The following NEK8 variants were observed in gnomAD, a reference collection of about 807,000 sequenced individuals.
The protein encoded by NEK8 is serine/threonine-protein kinase Nek8.
A neutral mutation model predicts 77.2 loss-of-function variants in NEK8; 51 were observed. The ratio of observed to expected loss-of-function variants is 0.66; its 90% CI spans 0.53 to 0.83. The LOEUF (loss-of-function observed/expected upper bound fraction) is 0.83. NEK8 is among the 40% of genes least tolerant of loss of function. The pLI, the probability that NEK8 is intolerant of heterozygous loss-of-function variation, is 0.00. For missense variants in NEK8, 787 were observed against 909.2 expected (o/e 0.87, Z 1.73); for synonymous variants, 365 against 363.2 (o/e 1.00, Z -0.06).
intron 1 of NEK8, 100 bp downstream of exon 1, chr17:28,728,960 G>T (rs2034278271): frequency 8.8e-7 from 1 of 1,134,376 alleles, no homozygotes; most frequent in Non-Finnish European, 1.3e-6. Context: ...GCCCCAAGGC[G>T]TGAGCGCCAC....
Position 28,735,302 on chromosome 17 carries a change from G to T in NEK8, c.549G>T (p.Lys183Asn), listed in dbSNP as rs1430304072. 5 of 1,614,016 alleles carry T rather than the reference G, an allele frequency of 3.1e-6. No individual in the cohort carries two copies. Among genetic ancestry groups the T allele is most frequent in the Admixed American group, 1.7e-5 (1 of 60,000 alleles). ...GTGAGGGCAAGCCCTACAACCAGAA[G>T]AGTGACATCTGGGCCCTGGGCTGTG... ...ELCEGKPYNQ[K>N]SDIWALGCVL... The change falls in exon 4 of 15, where the codon AAG becomes AAT. Residue 183 changes from lysine to asparagine, a missense_variant. Lys to Asn is a moderately conservative substitution (Grantham distance 94, BLOSUM62 0). Transcript: ENST00000268766.
rs1333030658 is a variant in NEK8, at chr17:28,740,934, G to A, written c.1681G>A (p.Glu561Lys). 1 of 1,614,162 alleles carries A rather than the reference G, an allele frequency of 6.2e-7. No homozygotes were observed. Among genetic ancestry groups the A allele is most frequent in the South Asian group, 1.1e-5 (1 of 91,090 alleles). ...TLLGSAPLDQEPLLSIDLGTA... is the reference protein window; with the variant it reads ...TLLGSAPLDQKPLLSIDLGTA... ...ACTAGGCTCTGCACCCCTGGACCAG[G>A]AGCCTCTGCTGAGTATAGACCTGGG... Residue 561 changes from glutamate (E) to lysine (K), a missense_variant, in exon 12 of 15, where the codon GAG (glutamate) becomes AAG (lysine). By Grantham distance (56) the Glu-to-Lys change is moderately conservative. This residue lies in a region of NEK8 where 516 missense variants were observed against 544.0 expected (regional missense o/e 0.95). Coordinates refer to ENST00000268766, the MANE Select transcript of NEK8 (RefSeq NM_178170.3). The surrounding 1 kb of genome is among the most constrained non-coding windows in gnomAD (Gnocchi z 4.7).
rs1049666135 is a variant in NEK8, at chr17:28,743,162, G to A, written c.*1175G>A. Reference sequence around the variant, plus strand: ...TTTGGAGCAGGGCAAGCCAGGGCCTGCCTGGACTGGCCATTAGGCCTGCCT... The same window carrying A: ...TTTGGAGCAGGGCAAGCCAGGGCCTACCTGGACTGGCCATTAGGCCTGCCT... On this transcript the variant is annotated 3_prime_UTR_variant, in exon 15 of 15. Transcript: ENST00000268766. The A allele has an allele frequency of 6.6e-6, 1 of 151,154 alleles. No individual in the cohort carries two copies. The highest frequency in any genetic ancestry group is 1.5e-5 in the Non-Finnish European group (1 of 67,972). 9.4% of individuals were successfully genotyped at this position (151,154 alleles called of 1,614,324 possible). A position where few individuals can be genotyped will look rare whatever the true frequency, so the allele number is the denominator to read the frequency against.
At position 28,737,659 on chromosome 17, in the gene NEK8, C is replaced by A. The variant is rs750504249; in HGVS notation, c.828-16C>A. 38 of 1,614,046 alleles carry A rather than the reference C, an allele frequency of 2.4e-5. No homozygotes were observed. Among genetic ancestry groups the A allele is most frequent in the Middle Eastern group, 3.3e-4 (2 of 6,084 alleles). On this transcript the variant is annotated splice_polypyrimidine_tract_variant and intron_variant, in intron 5 of 14. Transcript: ENST00000268766. The surrounding 1 kb of genome is among the most constrained non-coding windows in gnomAD (Gnocchi z 4.8). ...TCAGGAGGGTCTTTGTCCTTAGGCCCCCATCTGTCCTGCAGGGCAGAGAAG... is the reference window on the plus strand; with the variant it reads ...TCAGGAGGGTCTTTGTCCTTAGGCCACCATCTGTCCTGCAGGGCAGAGAAG...
Position 28,737,733 on chromosome 17 carries a change from A to C in NEK8, c.886A>C (p.Arg296=). 1 of 1,614,150 alleles carries C rather than the reference A, an allele frequency of 6.2e-7. No homozygotes were observed. Among genetic ancestry groups the C allele is most frequent in the Non-Finnish European group, 8.5e-7 (1 of 1,180,022 alleles). The part of the protein sequence containing the change: ...TGSRTTSVRC[R]GIPRGPVRPA... The stretch of plus-strand genomic sequence containing the variant: ...GAGCAGGACCACCAGTGTCCGCTGC[A>C]GAGGTAAGTGGGAAGAGGCCGCCAG... The change falls in exon 6 of 15, where the codon AGA becomes CGA. Residue 296 remains arginine (R), a synonymous_variant. Transcript: ENST00000268766. This position sits in a 1 kb window ranked among gnomAD's most constrained non-coding sequence, Gnocchi z 4.8.
At position 28,737,757 on chromosome 17, in the gene NEK8, A is replaced by G; in HGVS notation, c.889+21A>G. On this transcript the variant is annotated intron_variant, in intron 6 of 14. Transcript: ENST00000268766. The surrounding 1 kb of genome is among the most constrained non-coding windows in gnomAD (Gnocchi z 4.8). ...CAGAGGTAAGTGGGAAGAGGCCGCC[A>G]GTCCCCATGGATGCCACACCATTCC... 6.2e-7 allele frequency: 1 copy of G among 1,614,156 alleles called. No homozygotes were observed. The highest frequency in any genetic ancestry group is 8.5e-7 in the Non-Finnish European group (1 of 1,180,004).
At chr17:28,730,734 A>G (rs1010128793) in intron 1 of NEK8, among the ~76,000 whole-genome samples, 1 of 151,716 alleles carries the variant, frequency 6.6e-6, no homozygotes, top group Non-Finnish European at 1.5e-5. Context: ...TGGGCAACAC[A>G]ATGAGTCCCC....
chr17:28,742,193 C>T lies in NEK8; in HGVS notation c.*206C>T. ...TTCTCCTACCACCTCTTTGCCCTTC[C>T]TACCCCTTCCTCCCTTCAGTCAGTG... On this transcript the variant is annotated 3_prime_UTR_variant, in exon 15 of 15. Coordinates refer to ENST00000268766, the MANE Select transcript of NEK8 (RefSeq NM_178170.3). The T allele has an allele frequency of 4.5e-6, 3 of 663,324 alleles. No individual in the cohort carries two copies. The highest frequency in any genetic ancestry group is 3.3e-5 in the South Asian group (2 of 60,122). The allele number at this position is 663,324 out of a possible 1,614,324, so 41.1% of individuals were successfully genotyped here.
At chr17:28,735,810 C>T (rs1013300883) in intron 4 of NEK8, among the ~76,000 whole-genome samples, 2 of 151,930 alleles carry the variant, frequency 1.3e-5, no homozygotes, top group African/African-American at 2.4e-5. Flanking sequence ...AGTTTTAGGG[C>T]ACATGTACAC....
chr17:28,741,458 G>A lies in NEK8; in HGVS notation c.1937G>A (p.Gly646Glu). 2 of 1,614,172 alleles carry A rather than the reference G, an allele frequency of 1.2e-6. No homozygotes were observed. The highest frequency in any genetic ancestry group is 1.7e-6 in the Non-Finnish European group (2 of 1,180,030). ...SWGKGARGRL[G>E]RRDEDAGLPR... ...GGCAAAGGGGCGCGAGGTCGATTGG[G>A]AAGGAGGGATGAGGATGCCGGACTC... Residue 646 changes from glycine (G) to glutamate (E), a missense_variant, in exon 14 of 15, where the codon GGA becomes GAA. Gly to Glu is a moderately conservative substitution (Grantham distance 98). Around this residue, in one of 2 missense-constraint regions of NEK8, gnomAD observed 516 missense variants for 544.0 expected, o/e 0.95. Coordinates refer to ENST00000268766, the MANE Select transcript of NEK8 (RefSeq NM_178170.3). The surrounding 1 kb of genome is among the most constrained non-coding windows in gnomAD (Gnocchi z 4.5).
chr17:28,734,964 G>C lies in NEK8; in HGVS notation c.446G>C (p.Gly149Ala). 1 of 1,613,178 alleles carries C rather than the reference G, an allele frequency of 6.2e-7. No homozygotes were observed. Among genetic ancestry groups the C allele is most frequent in the Non-Finnish European group, 8.5e-7 (1 of 1,179,998 alleles). Reference sequence around the variant, plus strand: ...ATGGTCGTCAAGATCGGTGATTTCGGCATCTCCAAGATCCTTAGCAGCAAG... The same window carrying C: ...ATGGTCGTCAAGATCGGTGATTTCGCCATCTCCAAGATCCTTAGCAGCAAG... ...HRMVVKIGDF[G>A]ISKILSSKSK... Residue 149 changes from glycine (G) to alanine (A), a missense_variant, in exon 3 of 15, where the codon GGC becomes GCC. Physicochemically the swap from Gly to Ala is moderately conservative, Grantham distance 60. Around this residue, in one of 2 missense-constraint regions of NEK8, gnomAD observed 271 missense variants for 365.1 expected, o/e 0.74. Coordinates refer to ENST00000268766, the MANE Select transcript of NEK8 (RefSeq NM_178170.3).
At position 28,728,823 on chromosome 17, in the gene NEK8, T is replaced by C. The variant is rs1291473225; in HGVS notation, c.10T>C (p.Tyr4His). Residue 4 changes from tyrosine to histidine, a missense_variant, in exon 1 of 15, where the codon TAC becomes CAC. Transcript: ENST00000268766. MEK[Y>H]ERIRVVGRGA... ...AACTCTAAGAAATGAGATGGAGAAG[T>C]ACGAGCGGATCCGAGTGGTGGGGAG... The C allele has an allele frequency of 1.9e-6, 3 of 1,551,478 alleles. No homozygotes were observed. Among genetic ancestry groups the C allele is most frequent in the Admixed American group, 2.0e-5 (1 of 51,022 alleles).
rs892896764 is a variant in NEK8, at chr17:28,734,342, T to C, written c.253+154T>C. Reference sequence around the variant, plus strand: ...TGACCCCGGCTAGCCCCTTGTCCTCTCTGGTCCCAGTGCCCTGTTCCATAC... The same window carrying C: ...TGACCCCGGCTAGCCCCTTGTCCTCCCTGGTCCCAGTGCCCTGTTCCATAC... On this transcript the variant is annotated intron_variant, in intron 2 of 14. Transcript: ENST00000268766. 31 of 717,030 alleles carry C rather than the reference T, an allele frequency of 4.3e-5. No homozygotes were observed. In the Admixed American group the frequency reaches 6.5e-4, roughly 15 times the overall value. The allele number at this position is 717,030 out of a possible 1,614,324, so 44.4% of individuals were successfully genotyped here.
intron 1 of NEK8, among the ~76,000 whole-genome samples, chr17:28,729,078 A>C (rs943940660): frequency 6.6e-6 from 1 of 152,234 alleles, no homozygotes; most frequent in African/African-American, 2.4e-5. Context: ...GAGTTATGTT[A>C]GCTTCTTTAT....
chr17:28,740,975 T>C lies in NEK8; in HGVS notation c.1722T>C (p.Ala574=). The C allele has an allele frequency of 6.2e-7, 1 of 1,614,120 alleles. No homozygotes were observed. The highest frequency in any genetic ancestry group is 8.5e-7 in the Non-Finnish European group (1 of 1,180,004). The stretch of plus-strand genomic sequence containing the variant: ...TAGACCTGGGCACTGCTCACTCAGC[T>C]GCTGTGACTGGTGAGGAGGACTTGG... ...LSIDLGTAHS[A]AVTASGDCYT... Residue 574 remains alanine (A), a synonymous_variant, in exon 12 of 15, where the codon GCT becomes GCC. Coordinates refer to ENST00000268766, the MANE Select transcript of NEK8 (RefSeq NM_178170.3). This position sits in a 1 kb window ranked among gnomAD's most constrained non-coding sequence, Gnocchi z 4.7.
At position 28,741,198 on chromosome 17, in the gene NEK8, T is replaced by G. The variant is rs1388126376; in HGVS notation, c.1853T>G (p.Val618Gly). 1 of 1,612,322 alleles carries G rather than the reference T, an allele frequency of 6.2e-7. No individual in the cohort carries two copies. The highest frequency in any genetic ancestry group is 1.1e-5 in the South Asian group (1 of 90,928). ...QGLEGIKMAM[V>G]ACGDAFTVAI... ...CTTGAGGGCATCAAGATGGCAATGG[T>G]AGCCTGTGGGGATGCCTTCACTGTA... The change falls in exon 13 of 15, where the codon GTA becomes GGA. Residue 618 changes from valine (V) to glycine (G), a missense_variant. Around this residue, in one of 2 missense-constraint regions of NEK8, gnomAD observed 516 missense variants for 544.0 expected, o/e 0.95. Coordinates refer to ENST00000268766, the MANE Select transcript of NEK8 (RefSeq NM_178170.3). This position sits in a 1 kb window ranked among gnomAD's most constrained non-coding sequence, Gnocchi z 4.5.
intron 8 of NEK8, 134 bp from the exon 9 acceptor site, chr17:28,738,537 C>A (rs2034389829): frequency 2.4e-6 from 2 of 822,344 alleles, no homozygotes; most frequent in East Asian, 5.3e-5. Flanking sequence ...ATATCCTTTT[C>A]TCTCTTCCTA....
rs1054257308 is a variant in NEK8 at position 28,732,545 on chromosome 17, C to CTTTTTT, written c.48-1419_48-1414dup. On this transcript the variant is annotated intron_variant, in intron 1 of 14. Transcript: ENST00000268766. ...CTAGGGCGATTTTCTTTTTTCTTTT[C>CTTTTTT]TTTTTTTTTTTTTTTTTTTTTTTTG... Among the ~76,000 whole-genome samples, 391 of 77,918 alleles carry CTTTTTT rather than the reference C, an allele frequency of 5.0e-3. 2 individuals carry two copies. The highest frequency in any genetic ancestry group is 5.9e-3 in the Non-Finnish European group (254 of 42,968). 51.1% of individuals were successfully genotyped at this position (77,918 alleles called of 152,430 possible).
chr17:28,735,223 C>T lies in NEK8; in HGVS notation c.487-17C>T, dbSNP rs745641602. ...TTCCCTCCCTGCAGGGCTGTGATCCCAGCTTCTATCCTGCAGGTGGTGGGT... is the reference window on the plus strand; with the variant it reads ...TTCCCTCCCTGCAGGGCTGTGATCCTAGCTTCTATCCTGCAGGTGGTGGGT... On this transcript the variant is annotated splice_polypyrimidine_tract_variant and intron_variant, in intron 3 of 14. Coordinates refer to ENST00000268766, the MANE Select transcript of NEK8 (RefSeq NM_178170.3). 2 of 1,613,872 alleles carry T rather than the reference C, an allele frequency of 1.2e-6. No individual in the cohort carries two copies. Among genetic ancestry groups the T allele is most frequent in the East Asian group, 2.2e-5 (1 of 44,856 alleles).
Sources: gnomAD v4.1 joint callset for allele counts (sites outside exome capture counted in the v4.1 genomes callset) on GRCh38, gnomAD v4.1.1 for gene constraint, gnomAD v4.1.1 regional missense constraint, Gnocchi (gnomAD v3.1) non-coding constraint, MANE v1.5 for transcripts, NCBI Gene and HGNC (gene_info 2026-07-23, HGNC 2026-07-21) for gene names.